The following MSH3 variants were observed in gnomAD, a reference collection of about 807,000 sequenced individuals.
MSH3 encodes DNA mismatch repair protein Msh3.
In MSH3, 106 loss-of-function variants were observed where a neutral mutation model predicts 123.3. The observed-to-expected ratio is 0.86, with a 90% CI of 0.73 to 1.01. The LOEUF (loss-of-function observed/expected upper bound fraction) is 1.01, where lower values mean the gene tolerates loss of function less well. Among genes scored for constraint, MSH3 ranks in the 50% least tolerant of loss-of-function variants. The probability of loss-of-function intolerance (pLI) is 0.00; values close to 1 mark genes in which losing one functional copy is unlikely to be tolerated. For missense variants in MSH3, 1,459 were observed against 1,347.6 expected (o/e 1.08, Z -1.29); for synonymous variants, 515 against 481.4 (o/e 1.07, Z -0.91).
intron 20 of MSH3, among the ~76,000 whole-genome samples, chr5:80,849,367 G>C (rs564051187): frequency 9.9e-4 from 151 of 152,298 alleles, no homozygotes; most frequent in African/African-American, 3.6e-3. Context: ...AGTTCCACTA[G>C]ATGGTGCCCC....
In MSH3 at chr5:80,834,395, G is replaced by A. The variant is rs150039450; in HGVS notation, c.2814-19735G>A. Among the ~76,000 whole-genome samples the A allele has an allele frequency of 1.4e-3, 217 of 150,110 alleles. 4 individuals are homozygous for A. The East Asian group carries it at 0.038, about 26-fold the overall frequency. ...ATTTAAAAAGTTCTACAAATGGAAAGCAGTGATGGCTACACAACCTTGTGG... is the reference window on the plus strand; with the variant it reads ...ATTTAAAAAGTTCTACAAATGGAAAACAGTGATGGCTACACAACCTTGTGG... On this transcript the variant is annotated intron_variant, in intron 20 of 23. Transcript: ENST00000265081.
Position 80,869,788 on chromosome 5 carries a change from A to C in MSH3, c.3131-3328A>C, listed in dbSNP as rs190441321. Among the ~76,000 whole-genome samples the C allele has an allele frequency of 7.6e-5, 10 of 132,104 alleles. No homozygotes were observed. In the East Asian group the frequency reaches 2.2e-3, roughly 29 times the overall value. The allele number at this position is 132,104 out of a possible 152,430, so 86.7% of individuals were successfully genotyped here. A position where few individuals can be genotyped will look rare whatever the true frequency, so the allele number is the denominator to read the frequency against. Reference sequence around the variant, plus strand: ...TTGTGCACTCTTTATATATGTATACATATATACATATATATACATATATAC... The same window carrying C: ...TTGTGCACTCTTTATATATGTATACCTATATACATATATATACATATATAC... On this transcript the variant is annotated intron_variant, in intron 22 of 23. Coordinates refer to ENST00000265081, the MANE Select transcript of MSH3 (RefSeq NM_002439.5).
At chr5:80,706,193 GT>G (rs1438392211) in intron 8 of MSH3, among the ~76,000 whole-genome samples, 4 of 152,162 alleles carry the variant, frequency 2.6e-5, no homozygotes, top group Non-Finnish European at 5.9e-5. Context: ...GAAAATAAGA[GT>G]TAGTATTTCT....
chr5:80,753,889 C>T (rs1743880012), intron 12 of MSH3, among the ~76,000 whole-genome samples: 1 of 152,086 alleles, frequency 6.6e-6, no homozygotes, highest in South Asian at 2.1e-4. Context: ...GTGAGGCAGG[C>T]CTTGCATTGG....
At chr5:80,747,970 G>T in intron 12 of MSH3, among the ~76,000 whole-genome samples, 1 of 152,182 alleles carries the variant, frequency 6.6e-6, no homozygotes, top group Non-Finnish European at 1.5e-5. Context: ...TGATGGTGTT[G>T]TTGTTTATAC....
At chr5:80,669,040 C>T (rs1749636383) in intron 3 of MSH3, among the ~76,000 whole-genome samples, 2 of 152,226 alleles carry the variant, frequency 1.3e-5, no homozygotes, top group African/African-American at 4.8e-5. Flanking sequence ...CTGGATTTCT[C>T]TTGCCAACCT....
intron 17 of MSH3, among the ~76,000 whole-genome samples, chr5:80,779,725 AT>A (rs556394162): frequency 1.1e-3 from 158 of 143,282 alleles, no homozygotes; most frequent in Admixed American, 1.0e-3. Context: ...CGCCCTGCTA[AT>A]TTTTTTTTTT....
At chr5:80,781,558 C>CCCCA (rs1244005061) in intron 17 of MSH3, among the ~76,000 whole-genome samples, 1 of 151,726 alleles carries the variant, frequency 6.6e-6, no homozygotes, top group Non-Finnish European at 1.5e-5. Context: ...ATCTCTACCT[C>CCCCA]CCCAGCTCAA....
Position 80,792,832 on chromosome 5 carries a change from T to C in MSH3, c.2643T>C (p.Asn881=). 1 of 1,606,636 alleles carries C rather than the reference T, an allele frequency of 6.2e-7. No individual in the cohort carries two copies. Among genetic ancestry groups the C allele is most frequent in the Non-Finnish European group, 8.5e-7 (1 of 1,173,424 alleles). Residue 881 remains asparagine, a synonymous_variant, in exon 19 of 24, where the codon AAT becomes AAC. Transcript: ENST00000265081. ...LGEQDQYVPN[N]TDLSEDSERV... is the part of the protein sequence containing the mutation. ...AACAGGATCAATATGTCCCAAATAA[T>C]ACAGATTTATCAGTAAGTACCTTAT...
rs1192783960 is a variant in MSH3 at position 80,784,212 on chromosome 5, C to CAAAAAAAAAAAAAAAAAAAAAAAAA, written c.2436-3350_2436-3326dup. Among the ~76,000 whole-genome samples, 23 of 11,986 alleles carry CAAAAAAAAAAAAAAAAAAAAAAAAA rather than the reference C, an allele frequency of 1.9e-3. 3 individuals are homozygous for CAAAAAAAAAAAAAAAAAAAAAAAAA. Among genetic ancestry groups the CAAAAAAAAAAAAAAAAAAAAAAAAA allele is most frequent in the Admixed American group, 0.01 (8 of 792 alleles). The allele number at this position is 11,986 out of a possible 152,430, so 7.9% of individuals were successfully genotyped here. On this transcript the variant is annotated intron_variant, in intron 17 of 23. Coordinates refer to ENST00000265081, the MANE Select transcript of MSH3 (RefSeq NM_002439.5). ...GCGAAAGAGCGAGACTACTACGTCGCAAAAAAAAAAAAAAAAAAAAAAAAA... is the reference window on the plus strand; with the variant it reads ...GCGAAAGAGCGAGACTACTACGTCGCAAAAAAAAAAAAAAAAAAAAAAAAAAAAAAAAAAAAAAAAAAAAAAAAAA...
rs773696553 is a variant in MSH3 at position 80,665,118 on chromosome 5, G to A, written c.359-25G>A. The stretch of plus-strand genomic sequence containing the variant: ...ATGAGACCAAAATTACTATTGTTCT[G>A]TTTTCTTCTTATTTGCTGCCTAAGA... On this transcript the variant is annotated intron_variant, in intron 2 of 23. Transcript: ENST00000265081. The A allele has an allele frequency of 5.7e-6, 9 of 1,590,598 alleles. No homozygotes were observed. In the Admixed American group the frequency reaches 1.3e-4, roughly 24 times the overall value.
intron 17 of MSH3, among the ~76,000 whole-genome samples, chr5:80,782,538 A>T (rs1262349360): frequency 2.0e-5 from 3 of 152,188 alleles, no homozygotes; most frequent in Non-Finnish European, 4.4e-5. Context: ...GTTGGATTTT[A>T]GCATCTGCAG....
chr5:80,743,188 G>A (rs893315213), intron 11 of MSH3, among the ~76,000 whole-genome samples: 2 of 152,034 alleles, frequency 1.3e-5, no homozygotes, highest in African/African-American at 4.8e-5. Context: ...CTTCTCCAGG[G>A]GTGTCAGGGA....
intron 20 of MSH3, among the ~76,000 whole-genome samples, chr5:80,841,574 C>T (rs974358388): frequency 2.0e-5 from 3 of 152,168 alleles, no homozygotes; most frequent in Non-Finnish European, 4.4e-5. Context: ...CTGTTGTTTC[C>T]TGTCTTCTTA....
chr5:80,705,869 T>G (rs1230862279), intron 8 of MSH3, among the ~76,000 whole-genome samples: 1 of 152,180 alleles, frequency 6.6e-6, no homozygotes, highest in Non-Finnish European at 1.5e-5. Context: ...GGCCTCACTT[T>G]AACTCTCTGC....
Position 80,725,473 on chromosome 5 carries a change from G to T in MSH3, c.1361G>T (p.Arg454Leu), listed in dbSNP as rs144798521. 1.2e-5 allele frequency: 19 copies of T among 1,613,422 alleles called. No homozygotes were observed. In the East Asian group the frequency reaches 4.2e-4, roughly 36 times the overall value. The stretch of plus-strand genomic sequence containing the variant: ...TTCAGTGTGCAGGATGACAGAATTC[G>T]AGTCGAAAGGATGGATAACATTTAT... ...TSVSVQDDRI[R>L]VERMDNIYFE... The change falls in exon 9 of 24, where the codon CGA becomes CTA. Residue 454 changes from arginine to leucine, a missense_variant. Arg to Leu is a moderately radical substitution (Grantham distance 102). Transcript: ENST00000265081.
chr5:80,836,379 A>G (rs1328233500), intron 20 of MSH3, among the ~76,000 whole-genome samples: 1 of 152,152 alleles, frequency 6.6e-6, no homozygotes, highest in East Asian at 1.9e-4. Context: ...CAGTGAGGTC[A>G]GTTCTATGGG....
At chr5:80,725,804 C>T (rs562343767) in intron 9 of MSH3, among the ~76,000 whole-genome samples, 1 of 152,234 alleles carries the variant, frequency 6.6e-6, no homozygotes, top group East Asian at 1.9e-4. Flanking sequence ...GAGCTATTAT[C>T]ATGCCATTGC....
At chr5:80,794,799 C>T (rs1414544916) in intron 19 of MSH3, among the ~76,000 whole-genome samples, 2 of 152,190 alleles carry the variant, frequency 1.3e-5, no homozygotes, top group South Asian at 2.1e-4. Context: ...CGAGAAATGG[C>T]GATTGGGAAT....
Sources: gnomAD v4.1 joint callset for allele counts (sites outside exome capture counted in the v4.1 genomes callset) on GRCh38, gnomAD v4.1.1 for gene constraint, MANE v1.5 for transcripts, NCBI Gene and HGNC (gene_info 2026-07-23, HGNC 2026-07-21) for gene names.